ENOPH1: variants seen among roughly 807,000 people sequenced by gnomAD.
ENOPH1 encodes the protein enolase-phosphatase E1.
A neutral mutation model predicts 31.1 loss-of-function variants in ENOPH1; 14 were observed. That is an observed-to-expected ratio of 0.45 (90% CI 0.30 to 0.70). The LOEUF is 0.70. Ranked by LOEUF, ENOPH1 falls within the 30% of genes least tolerant of loss-of-function variation. The pLI is 0.09. For missense variants in ENOPH1, 243 were observed against 321.5 expected (o/e 0.76, Z 1.87); for synonymous variants, 127 against 123.2 (o/e 1.03, Z -0.21).
intron 1 of ENOPH1, among the ~76,000 whole-genome samples, chr4:82,438,638 CAG>C (rs1312142714): frequency 6.6e-6 from 1 of 152,146 alleles, no homozygotes; most frequent in African/African-American, 2.4e-5. Flanking sequence ...GCCTGGGTGA[CAG>C]AGCTGGAATG....
Position 82,447,998 on chromosome 4 carries a change from G to C in ENOPH1, c.163G>C (p.Asp55His), listed in dbSNP as rs1249376745. ...THWEEEECQQ[D>H]VSLLRKQAEE... ...TTGGGAAGAAGAGGAGTGCCAGCAGGATGTCAGTCTTTTGAGGAAACAGGT... is the reference window on the plus strand; with the variant it reads ...TTGGGAAGAAGAGGAGTGCCAGCAGCATGTCAGTCTTTTGAGGAAACAGGT... Residue 55 changes from aspartate (D) to histidine (H), a missense_variant, in exon 2 of 6, where the codon GAT becomes CAT. By Grantham distance (81) the Asp-to-His change is moderately conservative. Coordinates refer to ENST00000273920, the MANE Select transcript of ENOPH1 (RefSeq NM_021204.5). 6 of 1,612,380 alleles carry C rather than the reference G, an allele frequency of 3.7e-6. No individual in the cohort carries two copies. The highest frequency in any genetic ancestry group is 5.1e-6 in the Non-Finnish European group (6 of 1,178,956).
intron 3 of ENOPH1, among the ~76,000 whole-genome samples, chr4:82,452,455 C>G (rs13116305): frequency 6.6e-6 from 1 of 151,906 alleles, no homozygotes; most frequent in Non-Finnish European, 1.5e-5. Flanking sequence ...TGCCACTATG[C>G]TAATTTTTGT....
chr4:82,431,195 G>A (rs558907758), intron 1 of ENOPH1, among the ~76,000 whole-genome samples: 110 of 152,332 alleles, frequency 7.2e-4, no homozygotes, highest in Middle Eastern at 3.4e-3. Context: ...CAGGTAAGCC[G>A]GGGCGGGGTG....
intron 2 of ENOPH1, 143 bp downstream of exon 2, chr4:82,448,164 C>A: frequency 3.9e-6 from 2 of 509,144 alleles, no homozygotes; most frequent in Non-Finnish European, 3.5e-6. Flanking sequence ...GAGTTGCCTG[C>A]TTAGGAATTC....
At chr4:82,451,009 A>T (rs1394790399) in intron 2 of ENOPH1, 34 bp from the exon 3 acceptor site, 1 of 1,587,148 alleles carries the variant, frequency 6.3e-7, no homozygotes, top group South Asian at 1.1e-5. Context: ...TTGAATAAGC[A>T]AAAAACAAAC....
At chr4:82,449,057 CAAAAAAAAAA>C (rs10604951) in intron 2 of ENOPH1, among the ~76,000 whole-genome samples, 686 of 49,516 alleles carry the variant, frequency 0.014, 3 homozygotes, top group African/African-American at 0.056. Flanking sequence ...GACTCCGTCT[CAAAAAAAAAA>C]AAAAAAAAAA....
rs763348810 is a variant in ENOPH1 at position 82,430,804 on chromosome 4, C to A, written c.-26C>A. 2.4e-5 allele frequency: 38 copies of A among 1,611,342 alleles called. No individual in the cohort carries two copies. The highest frequency in any genetic ancestry group is 3.1e-5 in the Non-Finnish European group (37 of 1,177,702). On this transcript the variant is annotated 5_prime_UTR_variant, in exon 1 of 6. Coordinates refer to ENST00000273920, the MANE Select transcript of ENOPH1 (RefSeq NM_021204.5). The stretch of plus-strand genomic sequence containing the variant: ...CCCTCCGCCCTCCCCAACAGCAGGC[C>A]GAGTCCCGTAGCATCCGGTAGGGAA...
chr4:82,436,850 A>G (rs1243196312), intron 1 of ENOPH1, among the ~76,000 whole-genome samples: 1 of 152,156 alleles, frequency 6.6e-6, no homozygotes, highest in Non-Finnish European at 1.5e-5. Flanking sequence ...AGTTCCCTAA[A>G]GCTGGGACTG....
At chr4:82,437,004 T>G (rs1456878203) in intron 1 of ENOPH1, among the ~76,000 whole-genome samples, 1 of 151,928 alleles carries the variant, frequency 6.6e-6, no homozygotes, top group Non-Finnish European at 1.5e-5. Context: ...ATCCGAACAC[T>G]TTGGGAGGCA....
intron 1 of ENOPH1, among the ~76,000 whole-genome samples, chr4:82,445,456 T>G (rs1192243416): frequency 6.6e-6 from 1 of 152,170 alleles, no homozygotes; most frequent in Non-Finnish European, 1.5e-5. Flanking sequence ...AAATCATTTG[T>G]TTTTTTGTTT....
Position 82,451,067 on chromosome 4 carries a change from G to T in ENOPH1, c.211G>T (p.Gly71Trp), listed in dbSNP as rs1378032427. 3 of 1,614,140 alleles carry T rather than the reference G, an allele frequency of 1.9e-6. No individual in the cohort carries two copies. The highest frequency in any genetic ancestry group is 2.5e-6 in the Non-Finnish European group (3 of 1,180,016). ...KQAEEDAHLD[G>W]AVPIPAASGN... ...GGCTGAAGAGGACGCCCACCTGGATGGGGCTGTTCCTATCCCTGCAGCATC... is the reference window on the plus strand; with the variant it reads ...GGCTGAAGAGGACGCCCACCTGGATTGGGCTGTTCCTATCCCTGCAGCATC... Residue 71 changes from glycine (G) to tryptophan (W), a missense_variant, in exon 3 of 6, where the codon GGG becomes TGG. Physicochemically the swap from Gly to Trp is radical, Grantham distance 184. Coordinates refer to ENST00000273920, the MANE Select transcript of ENOPH1 (RefSeq NM_021204.5).
intron 1 of ENOPH1, among the ~76,000 whole-genome samples, chr4:82,432,459 C>T (rs1029603980): frequency 6.6e-6 from 1 of 152,140 alleles, no homozygotes; most frequent in Non-Finnish European, 1.5e-5. Flanking sequence ...ATTCTTCTGT[C>T]GCAGCCTCTC....
At chr4:82,444,855 T>C (rs967979063) in intron 1 of ENOPH1, among the ~76,000 whole-genome samples, 1 of 152,196 alleles carries the variant, frequency 6.6e-6, no homozygotes, top group Non-Finnish European at 1.5e-5. Flanking sequence ...AATCCTGAGT[T>C]TATTGTAGCA....
intron 1 of ENOPH1, among the ~76,000 whole-genome samples, chr4:82,442,955 G>C (rs896883707): frequency 1.3e-5 from 2 of 152,082 alleles, no homozygotes; most frequent in Admixed American, 1.3e-4. Context: ...TTACAGGCGC[G>C]AGCCACCACA....
intron 2 of ENOPH1, among the ~76,000 whole-genome samples, chr4:82,448,875 G>A (rs1054870251): frequency 1.7e-4 from 26 of 150,848 alleles, no homozygotes; most frequent in Admixed American, 6.6e-5. Context: ...CGGCTAAAAC[G>A]GTGAAACCCC....
At chr4:82,454,615 G>A in intron 3 of ENOPH1, 107 bp from the exon 4 acceptor site, 1 of 1,276,458 alleles carries the variant, frequency 7.8e-7, no homozygotes, top group Non-Finnish European at 1.1e-6. Flanking sequence ...TGCTTCTCAG[G>A]TTACCATGTG....
chr4:82,440,962 A>G (rs1431717481), intron 1 of ENOPH1, among the ~76,000 whole-genome samples: 2 of 152,182 alleles, frequency 1.3e-5, no homozygotes, highest in Admixed American at 6.5e-5. Context: ...ATGTGGCCCC[A>G]TGTGGCAGCC....
At chr4:82,446,111 G>A (rs1476707858) in intron 1 of ENOPH1, among the ~76,000 whole-genome samples, 1 of 152,080 alleles carries the variant, frequency 6.6e-6, no homozygotes, top group East Asian at 1.9e-4. Flanking sequence ...AACTGCATGT[G>A]CTGGAGAATA....
Position 82,460,025 on chromosome 4 carries a change from G to A in ENOPH1, c.691G>A (p.Val231Met), listed in dbSNP as rs766583113. Residue 231 changes from valine to methionine, a missense_variant, in exon 6 of 6, where the codon GTG becomes ATG. Coordinates refer to ENST00000273920, the MANE Select transcript of ENOPH1 (RefSeq NM_021204.5). ...EEADVHVAVV[V>M]RPGNAGLTDD... The stretch of plus-strand genomic sequence containing the variant: ...AGCAGATGTGCACGTAGCTGTGGTG[G>A]TGAGACCAGGCAACGCAGGATTAAC... 3 of 1,614,110 alleles carry A rather than the reference G, an allele frequency of 1.9e-6. No individual in the cohort carries two copies. Among genetic ancestry groups the A allele is most frequent in the Non-Finnish European group, 2.5e-6 (3 of 1,180,020 alleles).
Sources: gnomAD v4.1 joint callset for allele counts (sites outside exome capture counted in the v4.1 genomes callset) on GRCh38, gnomAD v4.1.1 for gene constraint, MANE v1.5 for transcripts, NCBI Gene and HGNC (gene_info 2026-07-23, HGNC 2026-07-21) for gene names.